The following LAMA2 variants were observed in gnomAD, a reference collection of about 807,000 sequenced individuals.
LAMA2 encodes the protein laminin subunit alpha 2, also known as laminin subunit alpha-2.
In LAMA2, 269 loss-of-function variants were observed where a neutral mutation model predicts 364.8. The observed-to-expected ratio is 0.74, with a 90% confidence interval of 0.67 to 0.82. LAMA2 has a LOEUF of 0.82. LAMA2 is among the 40% of genes least tolerant of loss of function. LAMA2 has a pLI of 0.00. For missense variants in LAMA2, 3,807 were observed against 3,873.2 expected, an observed-to-expected ratio of 0.98 and a Z score of 0.45; for synonymous variants, 1,379 against 1,370.6, an observed-to-expected ratio of 1.01 and a Z score of -0.14.
intron 24 of LAMA2, 77 bp from the exon 25 acceptor site, chr6:129,315,399 A>G: frequency 8.0e-7 from 1 of 1,243,550 alleles, no homozygotes; most frequent in Non-Finnish European, 1.2e-6. Context: ...GCAGATAGAC[A>G]TGCAGTTCGT....
At chr6:128,965,669 ACAAT>A (rs1781793546) in intron 1 of LAMA2, among the ~76,000 whole-genome samples, 1 of 152,052 alleles carries the variant, frequency 6.6e-6, no homozygotes, top group Non-Finnish European at 1.5e-5. Flanking sequence ...AAACACATAA[ACAAT>A]CATCGATGAC....
intron 40 of LAMA2, among the ~76,000 whole-genome samples, chr6:129,409,946 A>G (rs903012241): frequency 5.3e-5 from 8 of 152,164 alleles, no homozygotes; most frequent in African/African-American, 1.9e-4. Context: ...TAACCATCAC[A>G]GTGAATGAAT....
At chr6:129,075,758 G>A (rs902952878) in intron 3 of LAMA2, among the ~76,000 whole-genome samples, 3 of 152,070 alleles carry the variant, frequency 2.0e-5, no homozygotes, top group Non-Finnish European at 2.9e-5. Flanking sequence ...GATACTGGGT[G>A]GCAATTAAGG....
At chr6:128,986,100 G>T (rs899875997) in intron 1 of LAMA2, among the ~76,000 whole-genome samples, 1 of 152,072 alleles carries the variant, frequency 6.6e-6, no homozygotes, top group Non-Finnish European at 1.5e-5. Context: ...TGAACTCATA[G>T]ATTTTAAATA....
At chr6:129,365,940 T>C (rs543290644) in intron 32 of LAMA2, among the ~76,000 whole-genome samples, 2 of 152,292 alleles carry the variant, frequency 1.3e-5, no homozygotes, top group African/African-American at 4.8e-5. Context: ...TGCAATACAC[T>C]TTTTCTCCCC....
intron 33 of LAMA2, 40 bp from the exon 34 acceptor site, chr6:129,369,852 C>T (rs1439962663): frequency 6.6e-7 from 1 of 1,524,542 alleles, no homozygotes; most frequent in African/African-American, 1.4e-5. Flanking sequence ...CACTGCAAGG[C>T]CATTTACTAA....
chr6:129,264,255 T>C (rs575913122), intron 15 of LAMA2, among the ~76,000 whole-genome samples: 1 of 152,232 alleles, frequency 6.6e-6, no homozygotes, highest in South Asian at 2.1e-4. Context: ...GACTTACTGA[T>C]TCGAGACTGT....
At chr6:129,415,349 G>A (rs1473084300) in intron 40 of LAMA2, among the ~76,000 whole-genome samples, 1 of 152,116 alleles carries the variant, frequency 6.6e-6, no homozygotes, top group Non-Finnish European at 1.5e-5. Context: ...CTGTGCAGAA[G>A]AGAAGGGGTA....
chr6:128,923,584 A>G (rs1211162015), intron 1 of LAMA2, among the ~76,000 whole-genome samples: 1 of 152,176 alleles, frequency 6.6e-6, no homozygotes, highest in East Asian at 1.9e-4. Context: ...AATATATTTA[A>G]TACAGAAAGG....
rs577335072 is a variant in LAMA2, at chr6:128,920,697, G to T, written c.112+37340G>T. 9.3e-5 allele frequency among the ~76,000 whole-genome samples: 14 copies of T among 151,104 alleles called. No homozygotes were observed. The South Asian group carries it at 2.9e-3, about 31-fold the overall frequency. On this transcript the variant is annotated intron_variant, in intron 1 of 64. Transcript: ENST00000421865. ...ATATATATATATTATATATACATGTGTGTATATATATGCATATATATGCAC... is the reference window on the plus strand; with the variant it reads ...ATATATATATATTATATATACATGTTTGTATATATATGCATATATATGCAC...
intron 48 of LAMA2, 53 bp downstream of exon 48, chr6:129,456,547 C>T: frequency 6.9e-7 from 1 of 1,450,104 alleles, no homozygotes; most frequent in Non-Finnish European, 9.7e-7. Context: ...CATCTCCTGA[C>T]ATAATTACTT....
intron 1 of LAMA2, among the ~76,000 whole-genome samples, chr6:128,887,605 A>G (rs1776216112): frequency 6.6e-6 from 1 of 152,064 alleles, no homozygotes; most frequent in South Asian, 2.1e-4. Flanking sequence ...AAGGTGGCTC[A>G]CTCCTGTAAT....
chr6:129,080,835 C>T (rs928292119), intron 3 of LAMA2, among the ~76,000 whole-genome samples: 4 of 152,140 alleles, frequency 2.6e-5, no homozygotes, highest in Non-Finnish European at 4.4e-5. Flanking sequence ...GACAGTGTGG[C>T]GATTCCTCAA....
intron 27 of LAMA2, among the ~76,000 whole-genome samples, chr6:129,317,768 TAA>T (rs1317818959): frequency 6.6e-6 from 1 of 152,214 alleles, no homozygotes; most frequent in East Asian, 1.9e-4. Flanking sequence ...TGTACTGCAG[TAA>T]AAGAGTTTGG....
At chr6:129,017,079 A>G (rs530840453) in intron 1 of LAMA2, among the ~76,000 whole-genome samples, 1 of 152,082 alleles carries the variant, frequency 6.6e-6, no homozygotes, top group East Asian at 1.9e-4. Flanking sequence ...CTGCATCGCA[A>G]ACCAGAACTA....
intron 9 of LAMA2, among the ~76,000 whole-genome samples, chr6:129,172,752 G>A (rs183663744): frequency 0.23 from 34,962 of 151,964 alleles, 4,783 homozygotes; most frequent in African/African-American, 0.38. Context: ...CTGGGCAATG[G>A]CGGCGCCCCT....
chr6:128,884,973 T>C (rs1029191123), intron 1 of LAMA2, among the ~76,000 whole-genome samples: 3 of 152,284 alleles, frequency 2.0e-5, no homozygotes, highest in African/African-American at 7.2e-5. Context: ...TCTCCCTTCT[T>C]ATTTACTCTC....
At chr6:128,942,223 C>A (rs1780204350) in intron 1 of LAMA2, among the ~76,000 whole-genome samples, 1 of 151,700 alleles carries the variant, frequency 6.6e-6, no homozygotes. Flanking sequence ...TATATTTCCC[C>A]TTTTATCTTT....
chr6:129,171,378 A>G (rs983321530), intron 9 of LAMA2, among the ~76,000 whole-genome samples: 2 of 152,124 alleles, frequency 1.3e-5, no homozygotes, highest in African/African-American at 2.4e-5. Context: ...TGGTGGTGAC[A>G]AAATCTCTCA....
Sources: allele counts gnomAD v4.1 joint callset (sites outside exome capture counted in the v4.1 genomes callset), GRCh38; gene constraint gnomAD v4.1.1; transcripts MANE v1.5; gene names NCBI Gene and HGNC (gene_info 2026-07-23, HGNC 2026-07-21).